Variants in ARHGAP35 observed in about 807,000 individuals in gnomAD.
ARHGAP35 encodes rho GTPase-activating protein 35.
In ARHGAP35, 15 loss-of-function variants were observed where a neutral mutation model predicts 111.1. The observed-to-expected ratio is 0.13, with a 90% CI of 0.09 to 0.21. The LOEUF is 0.21. ARHGAP35 is among the 10% of genes least tolerant of loss of function. The pLI, the probability that ARHGAP35 is intolerant of heterozygous loss-of-function variation, is 1.00. For missense variants in ARHGAP35, 1,262 were observed against 1,873.0 expected (o/e 0.67, Z 6.02); for synonymous variants, 643 against 710.3 (o/e 0.91, Z 1.51).
intron 3 of ARHGAP35, among the ~76,000 whole-genome samples, chr19:46,952,676 G>GTGTTT (rs747042582): frequency 1.3e-5 from 2 of 152,106 alleles, no homozygotes; most frequent in African/African-American, 2.4e-5. Context: ...TTGTTGTGTT[G>GTGTTT]TGTTTTGTTT....
Position 47,004,455 on chromosome 19 carries a change from T to C in ARHGAP35, c.*3767T>C, listed in dbSNP as rs1306377691. ...GCAGCGATGCTACAGGCCTAAGTTA[T>C]TGTTTGCATAAAAAGAATCATGTTC... On this transcript the variant is annotated 3_prime_UTR_variant, in exon 7 of 7. Transcript: ENST00000672722. 1.3e-5 allele frequency: 2 copies of C among 152,536 alleles called. No homozygotes were observed. Among genetic ancestry groups the C allele is most frequent in the Non-Finnish European group, 2.9e-5 (2 of 68,042 alleles). The allele number at this position is 152,536 out of a possible 1,614,324, so 9.4% of individuals were successfully genotyped here. A position where few individuals can be genotyped will look rare whatever the true frequency, so the allele number is the denominator to read the frequency against.
chr19:46,966,444 G>A (rs2056515578), intron 3 of ARHGAP35, among the ~76,000 whole-genome samples: 1 of 152,174 alleles, frequency 6.6e-6, no homozygotes, highest in Non-Finnish European at 1.5e-5. Flanking sequence ...GGCTGATTGG[G>A]AGACTGAGGC....
intron 3 of ARHGAP35, among the ~76,000 whole-genome samples, chr19:46,966,635 T>C (rs1390476901): frequency 6.6e-6 from 1 of 152,190 alleles, no homozygotes; most frequent in Non-Finnish European, 1.5e-5. Context: ...TTTTTCCTCT[T>C]CTCTTTTTTC....
rs747373550 is a variant in ARHGAP35, at chr19:46,986,946, A to G, written c.3827-1043A>G. Among the ~76,000 whole-genome samples, 5 of 152,156 alleles carry G rather than the reference A, an allele frequency of 3.3e-5. No individual in the cohort carries two copies. The highest frequency in any genetic ancestry group is 7.3e-5 in the Non-Finnish European group (5 of 68,034). On this transcript the variant is annotated intron_variant, in intron 3 of 6. Coordinates refer to ENST00000672722, the MANE Select transcript of ARHGAP35 (RefSeq NM_004491.5). This position sits in a 1 kb window ranked among gnomAD's most constrained non-coding sequence, Gnocchi z 4.3. ...TGGGTTCAAGCAATTCTTCTGCCTC[A>G]GCCTCCCGAGTAGCTGGGATTATAG...
chr19:46,898,440 G>T (rs1374330241), intron 1 of ARHGAP35, among the ~76,000 whole-genome samples: 4 of 152,114 alleles, frequency 2.6e-5, no homozygotes, highest in African/African-American at 9.7e-5. Context: ...AAATTAATTG[G>T]AATATACCTA....
At chr19:46,917,104 A>T (rs1038680516) in intron 1 of ARHGAP35, among the ~76,000 whole-genome samples, 2 of 152,138 alleles carry the variant, frequency 1.3e-5, no homozygotes, top group Admixed American at 1.3e-4. Context: ...ATCTTGTAAA[A>T]CTGAAACTCT....
intron 1 of ARHGAP35, among the ~76,000 whole-genome samples, chr19:46,892,918 C>G (rs936183776): frequency 6.6e-6 from 1 of 151,996 alleles, no homozygotes; most frequent in Non-Finnish European, 1.5e-5. Context: ...ATTTGTAAGT[C>G]CAGTTCTCCA....
rs868418954 is a variant in ARHGAP35 at position 46,993,234 on chromosome 19, G to A, written c.4036+3559G>A. ...AGTTGTTTACCACCTGGGGCGGGGA[G>A]AGCCGACGCCGGACGAGCCTGCGTG... On this transcript the variant is annotated intron_variant, in intron 5 of 6. Transcript: ENST00000672722. This position sits in a 1 kb window ranked among gnomAD's most constrained non-coding sequence, Gnocchi z 4.6. 6.6e-6 allele frequency among the ~76,000 whole-genome samples: 1 copy of A among 152,244 alleles called. No homozygotes were observed. The highest frequency in any genetic ancestry group is 1.5e-5 in the Non-Finnish European group (1 of 68,046).
intron 1 of ARHGAP35, among the ~76,000 whole-genome samples, chr19:46,881,007 C>T (rs1031324622): frequency 1.4e-4 from 21 of 148,358 alleles, no homozygotes; most frequent in African/African-American, 5.3e-4. Flanking sequence ...TGCAATGGCG[C>T]GATCTCAGCT....
Position 46,922,204 on chromosome 19 carries a change from G to T in ARHGAP35, c.3529G>T (p.Val1177Leu), listed in dbSNP as rs371111690. The T allele has an allele frequency of 1.2e-6, 2 of 1,613,906 alleles. No individual in the cohort carries two copies. Among genetic ancestry groups the T allele is most frequent in the Non-Finnish European group, 8.5e-7 (1 of 1,179,906 alleles). ...RFASYRTSFS[V>L]GSDDELGPIR... ...TGCTAGTTACCGGACCAGCTTCAGC[G>T]TGGGGAGTGATGATGAGCTGGGGCC... Residue 1177 changes from valine (V) to leucine (L), a missense_variant, in exon 2 of 7, where the codon GTG becomes TTG. Transcript: ENST00000672722. The surrounding 1 kb of genome is among the most constrained non-coding windows in gnomAD (Gnocchi z 4.0).
Position 46,919,523 on chromosome 19 carries a change from G to A in ARHGAP35, c.848G>A (p.Arg283His), listed in dbSNP as rs779738931. ...AKDKYEWLVS[R>H]IVKNHNENWL... is the part of the protein sequence containing the mutation. ...GACAAGTATGAGTGGCTGGTGAGTC[G>A]CATTGTGAAAAACCACAATGAGAAC... The change falls in exon 2 of 7, where the codon CGC (arginine) becomes CAC (histidine). Residue 283 changes from arginine (R) to histidine (H), a missense_variant. Around this residue, in one of 8 missense-constraint regions of ARHGAP35, gnomAD observed 328 missense variants for 440.8 expected, o/e 0.74. Transcript: ENST00000672722. This position sits in a 1 kb window ranked among gnomAD's most constrained non-coding sequence, Gnocchi z 6.2. 3.0e-5 allele frequency: 49 copies of A among 1,613,710 alleles called. No individual in the cohort carries two copies. Among genetic ancestry groups the A allele is most frequent in the Non-Finnish European group, 3.6e-5 (43 of 1,179,874 alleles).
At chr19:46,982,476 CAAA>C (rs111425230) in intron 3 of ARHGAP35, among the ~76,000 whole-genome samples, 1 of 96,922 alleles carries the variant, frequency 1.0e-5, no homozygotes, top group Non-Finnish European at 2.2e-5. Flanking sequence ...GACTTTGTCT[CAAA>C]AAAAAAAAAA....
chr19:46,915,603 A>G (rs2122187334), intron 1 of ARHGAP35, among the ~76,000 whole-genome samples: 1 of 152,312 alleles, frequency 6.6e-6, no homozygotes, highest in African/African-American at 2.4e-5. Flanking sequence ...GGCTTACAAA[A>G]ACATAATGAG....
At chr19:46,900,222 GT>G (rs373787596) in intron 1 of ARHGAP35, among the ~76,000 whole-genome samples, 672 of 128,636 alleles carry the variant, frequency 5.2e-3, no homozygotes, top group African/African-American at 0.017. Context: ...TGTTTTTTGG[GT>G]TTTTTTTTTT....
At position 46,921,938 on chromosome 19, in the gene ARHGAP35, C is replaced by T; in HGVS notation, c.3263C>T (p.Ala1088Val). The change falls in exon 2 of 7, where the codon GCT becomes GTT. Residue 1088 changes from alanine (A) to valine (V), a missense_variant. By Grantham distance (64) the Ala-to-Val change is moderately conservative. Transcript: ENST00000672722. The surrounding 1 kb of genome is among the most constrained non-coding windows in gnomAD (Gnocchi z 4.3). Reference sequence around the variant, plus strand: ...GATGGGTTTGATCCTTCTGACTATGCTGAACCCATGGATGCTGTGGTGAAG... The same window carrying T: ...GATGGGTTTGATCCTTCTGACTATGTTGAACCCATGGATGCTGTGGTGAAG... ...PQDGFDPSDY[A>V]EPMDAVVKPR... is the part of the protein sequence containing the mutation. 6.2e-7 allele frequency: 1 copy of T among 1,614,022 alleles called. No individual in the cohort carries two copies. The highest frequency in any genetic ancestry group is 8.5e-7 in the Non-Finnish European group (1 of 1,179,894).
intron 1 of ARHGAP35, among the ~76,000 whole-genome samples, chr19:46,881,586 T>C (rs2055962756): frequency 6.6e-6 from 1 of 152,216 alleles, no homozygotes; most frequent in African/African-American, 2.4e-5. Context: ...TAAACTATGC[T>C]GTAAACAGAT....
intron 1 of ARHGAP35, among the ~76,000 whole-genome samples, chr19:46,898,451 G>C (rs2056068577): frequency 6.6e-6 from 1 of 152,078 alleles, no homozygotes; most frequent in African/African-American, 2.4e-5. Context: ...AATATACCTA[G>C]GGAGAAATTT....
rs1403565161 is a variant in ARHGAP35 at position 46,921,681 on chromosome 19, G to T, written c.3006G>T (p.Leu1002=). 2 of 1,613,866 alleles carry T rather than the reference G, an allele frequency of 1.2e-6. No homozygotes were observed. Among genetic ancestry groups the T allele is most frequent in the Non-Finnish European group, 1.7e-6 (2 of 1,179,904 alleles). The change falls in exon 2 of 7, where the codon CTG becomes CTT. Residue 1002 remains leucine, a synonymous_variant. Coordinates refer to ENST00000672722, the MANE Select transcript of ARHGAP35 (RefSeq NM_004491.5). The surrounding 1 kb of genome is among the most constrained non-coding windows in gnomAD (Gnocchi z 4.3). ...SYSLFREDTS[L]PSLSKDHSKL... ...GCCTGTTTCGAGAAGACACATCACT[G>T]CCTTCTCTGTCCAAAGACCATTCTA... is the stretch of plus-strand genomic sequence containing the variant.
At chr19:46,952,222 A>G (rs545517595) in intron 3 of ARHGAP35, among the ~76,000 whole-genome samples, 3 of 152,280 alleles carry the variant, frequency 2.0e-5, no homozygotes, top group Non-Finnish European at 4.4e-5. Context: ...AAAATACATT[A>G]TTTTTAGAAT....
Sources: gnomAD v4.1 joint callset for allele counts (sites outside exome capture counted in the v4.1 genomes callset) on GRCh38, gnomAD v4.1.1 for gene constraint, gnomAD v4.1.1 regional missense constraint, Gnocchi (gnomAD v3.1) non-coding constraint, MANE v1.5 for transcripts, NCBI Gene and HGNC (gene_info 2026-07-23, HGNC 2026-07-21) for gene names.